ZNF423: variants seen among roughly 807,000 people sequenced by gnomAD.
ZNF423 encodes Ebf-associated zinc finger protein.
In ZNF423, 12 loss-of-function variants were observed where a neutral mutation model predicts 95.8. The ratio of observed to expected loss-of-function variants is 0.13; its 90% confidence interval spans 0.08 to 0.20. ZNF423 has a LOEUF of 0.20. Ranked by LOEUF, ZNF423 falls within the 10% of genes least tolerant of loss-of-function variation. The probability of loss-of-function intolerance (pLI) is 1.00; values close to 1 mark genes in which losing one functional copy is unlikely to be tolerated. For missense variants in ZNF423, 1,316 were observed against 1,737.1 expected, an observed-to-expected ratio of 0.76 and a Z score of 4.31; for synonymous variants, 749 against 711.9, an observed-to-expected ratio of 1.05 and a Z score of -0.83.
At position 49,635,581 on chromosome 16, in the gene ZNF423, C is replaced by G; in HGVS notation, c.3516+79G>C. On this transcript the variant is annotated intron_variant, in intron 4 of 7. Transcript: ENST00000563137. This position sits in a 1 kb window ranked among gnomAD's most constrained non-coding sequence, Gnocchi z 4.8. ...CGCCGCTTCTTGGAAACACGGCACT[C>G]AGGGTACGTGGCTCCTGTGGGGACC... is the stretch of plus-strand genomic sequence containing the variant. 1 of 1,479,000 alleles carries G rather than the reference C, an allele frequency of 6.8e-7. No homozygotes were observed. 91.6% of individuals were successfully genotyped at this position (1,479,000 alleles called of 1,614,324 possible). A position where few individuals can be genotyped will look rare whatever the true frequency, so the allele number is the denominator to read the frequency against.
At chr16:49,712,950 G>A (rs1253980317) in intron 3 of ZNF423, among the ~76,000 whole-genome samples, 5 of 152,214 alleles carry the variant, frequency 3.3e-5, no homozygotes, top group African/African-American at 4.8e-5. Context: ...TTCTCCAGGA[G>A]TTAAGCAGAA....
At chr16:49,842,309 GAGGGAAGGGA>G (rs541466648) in intron 1 of ZNF423, among the ~76,000 whole-genome samples, 348 of 20,366 alleles carry the variant, frequency 0.017, 29 homozygotes, top group East Asian at 0.14. Context: ...GAGGGGAGGC[GAGGGAAGGGA>G]AGGGAAGGGA....
intron 2 of ZNF423, among the ~76,000 whole-genome samples, chr16:49,776,137 G>A (rs772179843): frequency 2.6e-5 from 4 of 152,326 alleles, no homozygotes; most frequent in South Asian, 2.1e-4. Context: ...ACATGGAGTC[G>A]GCAGCAGGGA....
intron 5 of ZNF423, among the ~76,000 whole-genome samples, chr16:49,543,284 T>C (rs77864530): frequency 0.028 from 4,201 of 152,266 alleles, 84 homozygotes; most frequent in Middle Eastern, 0.058. Flanking sequence ...GAGCCTGGCC[T>C]GGGTAAGCCC....
chr16:49,757,376 T>C lies in ZNF423; in HGVS notation c.101-26405A>G, dbSNP rs115373892. 6.4e-3 allele frequency among the ~76,000 whole-genome samples: 975 copies of C among 152,316 alleles called. 7 individuals are homozygous for C. The highest frequency in any genetic ancestry group is 0.023 in the African/African-American group (942 of 41,570). ...GTAATGAGTCATAAAACCACTATCC[T>C]GTTCCCATGTAGAGAAGATTAGGTG... On this transcript the variant is annotated intron_variant, in intron 2 of 7. Transcript: ENST00000563137.
chr16:49,827,646 G>T (rs1038636994), intron 1 of ZNF423, among the ~76,000 whole-genome samples: 3 of 152,124 alleles, frequency 2.0e-5, no homozygotes, highest in African/African-American at 7.2e-5. Flanking sequence ...CTCTCGAGTA[G>T]CTGGGACTAC....
intron 5 of ZNF423, among the ~76,000 whole-genome samples, chr16:49,538,122 C>T (rs1482588515): frequency 6.6e-6 from 1 of 152,220 alleles, no homozygotes; most frequent in Non-Finnish European, 1.5e-5. Context: ...CAGCCCCCAC[C>T]AGGAGAGGCA....
intron 7 of ZNF423, among the ~76,000 whole-genome samples, chr16:49,511,737 G>A (rs1435175183): frequency 3.3e-5 from 5 of 152,342 alleles, no homozygotes; most frequent in South Asian, 2.1e-4. Context: ...GCCTCCAGTA[G>A]TGGCAGCAAT....
At chr16:49,849,216 C>T (rs1437520903) in intron 1 of ZNF423, among the ~76,000 whole-genome samples, 1 of 152,008 alleles carries the variant, frequency 6.6e-6, no homozygotes, top group African/African-American at 2.4e-5. Flanking sequence ...CTTATGAGAC[C>T]CCTTCTACCC....
rs113048773 is a variant in ZNF423 at position 49,832,317 on chromosome 16, T to C, written c.40+23418A>G. Among the ~76,000 whole-genome samples the C allele has an allele frequency of 7.6e-3, 1,156 of 152,272 alleles. 12 individuals carry two copies. Among genetic ancestry groups the C allele is most frequent in the Admixed American group, 0.012 (187 of 15,306 alleles). ...GTCTGAAAAACAGATTCTGAGCTCA[T>C]GAAATGCCTGTCTTCTGGGGTAGCA... is the stretch of plus-strand genomic sequence containing the variant. On this transcript the variant is annotated intron_variant, in intron 1 of 7. Coordinates refer to ENST00000563137, the MANE Select transcript of ZNF423 (RefSeq NM_001379286.1).
intron 5 of ZNF423, among the ~76,000 whole-genome samples, chr16:49,617,767 C>A (rs1971926634): frequency 6.6e-6 from 1 of 152,178 alleles, no homozygotes; most frequent in Admixed American, 6.5e-5. Context: ...CTGCTGCCCA[C>A]CCCCATCTCC....
chr16:49,544,262 C>A lies in ZNF423; in HGVS notation c.3602-18768G>T, dbSNP rs1375261508. Among the ~76,000 whole-genome samples, 3 of 152,288 alleles carry A rather than the reference C, an allele frequency of 2.0e-5. No individual in the cohort carries two copies. In the East Asian group the frequency reaches 5.8e-4, roughly 29 times the overall value. ...AGGGAGGCAATAGCAGGAAGGAGTG[C>A]AGGGAGCTACCAGAGGCCACTGGGT... On this transcript the variant is annotated intron_variant, in intron 5 of 7. Coordinates refer to ENST00000563137, the MANE Select transcript of ZNF423 (RefSeq NM_001379286.1).
chr16:49,659,153 A>G (rs1406192540), intron 3 of ZNF423, among the ~76,000 whole-genome samples: 8 of 152,168 alleles, frequency 5.3e-5, no homozygotes, highest in Non-Finnish European at 1.0e-4. Flanking sequence ...CAGTGGCGCA[A>G]TCATAGCTCA....
chr16:49,508,171 A>T (rs909800637), intron 7 of ZNF423, among the ~76,000 whole-genome samples: 2 of 152,142 alleles, frequency 1.3e-5, no homozygotes, highest in Admixed American at 1.3e-4. Context: ...AATGCCGGGC[A>T]CTCAAAAAGC....
intron 3 of ZNF423, among the ~76,000 whole-genome samples, chr16:49,677,277 A>AGAAGGGAAGGGAAGGGAAGGGAAGG (rs2031115992): frequency 2.6e-5 from 2 of 77,544 alleles, no homozygotes; most frequent in African/African-American, 4.8e-5. Flanking sequence ...AGAAGAGAAG[A>AGAAGGGAAGGGAAGGGAAGGGAAGG]GAAGAGAAGA....
chr16:49,654,668 G>A (rs1237405506), intron 3 of ZNF423, among the ~76,000 whole-genome samples: 1 of 152,218 alleles, frequency 6.6e-6, no homozygotes, highest in Non-Finnish European at 1.5e-5. Context: ...CCTCCCATTG[G>A]TAGGACCCGT....
At chr16:49,671,813 T>C (rs1187310960) in intron 3 of ZNF423, among the ~76,000 whole-genome samples, 2 of 152,052 alleles carry the variant, frequency 1.3e-5, no homozygotes, top group Non-Finnish European at 2.9e-5. Flanking sequence ...GCCTCCTGAG[T>C]AGCTGGGATT....
intron 7 of ZNF423, among the ~76,000 whole-genome samples, chr16:49,500,734 C>A (rs1049425536): frequency 6.6e-6 from 1 of 150,806 alleles, no homozygotes; most frequent in Non-Finnish European, 1.5e-5. Flanking sequence ...GGGTGAAACC[C>A]CATCTCTACG....
intron 4 of ZNF423, among the ~76,000 whole-genome samples, chr16:49,628,032 C>T (rs1228184152): frequency 1.3e-5 from 2 of 151,400 alleles, no homozygotes; most frequent in South Asian, 4.2e-4. Flanking sequence ...ACCCACCCAT[C>T]CATCTTCCAT....
Sources: allele counts gnomAD v4.1 joint callset (sites outside exome capture counted in the v4.1 genomes callset), GRCh38; gene constraint gnomAD v4.1.1; non-coding constraint Gnocchi (gnomAD v3.1); transcripts MANE v1.5; gene names NCBI Gene and HGNC (gene_info 2026-07-23, HGNC 2026-07-21).